Variants in RORA observed in about 807,000 individuals in gnomAD.
RORA encodes RAR related orphan receptor A, also known as nuclear receptor ROR-alpha.
Under a neutral mutation model 69.5 loss-of-function variants are expected in RORA, and 7 were observed. The observed-to-expected ratio is 0.10, with a 90% CI of 0.06 to 0.19. RORA has a LOEUF of 0.19. Among genes scored for constraint, RORA ranks in the 10% least tolerant of loss-of-function variants. The pLI is 1.00. For missense variants in RORA, 457 were observed against 663.0 expected (o/e 0.69, Z 3.41); for synonymous variants, 261 against 240.8 (o/e 1.08, Z -0.78).
intron 1 of RORA, chr15:60,765,626 A>C (rs1595697399): frequency 6.6e-6 from 1 of 151,892 alleles, no homozygotes; most frequent in Admixed American, 6.6e-5. Flanking sequence ...AGCTTTGAAA[A>C]CCTGAGTCAC....
Position 60,841,752 on chromosome 15 carries a change from G to T in RORA, c.167-163066C>A, listed in dbSNP as rs113952522. 9.9e-4 allele frequency among the ~76,000 whole-genome samples: 150 copies of T among 152,130 alleles called. 1 individual carries two copies. Among genetic ancestry groups the T allele is most frequent in the Non-Finnish European group, 1.7e-3 (115 of 68,022 alleles). On this transcript the variant is annotated intron_variant, in intron 1 of 10. Transcript: ENST00000335670. ...GTTCTCTCCTCCCCGTCATGATGTTGTGCTCCGCCCTTTATCTCCTTTTTT... is the reference window on the plus strand; with the variant it reads ...GTTCTCTCCTCCCCGTCATGATGTTTTGCTCCGCCCTTTATCTCCTTTTTT...
chr15:61,202,253 G>A (rs958725897), intron 1 of RORA, among the ~76,000 whole-genome samples: 2 of 151,906 alleles, frequency 1.3e-5, no homozygotes, highest in East Asian at 1.9e-4. Flanking sequence ...CTCGTGATCC[G>A]CCTGCCTCAG....
At chr15:60,832,289 GT>G (rs1170095866) in intron 1 of RORA, among the ~76,000 whole-genome samples, 1 of 152,106 alleles carries the variant, frequency 6.6e-6, no homozygotes. Flanking sequence ...CACCCCTCCA[GT>G]TTGCCAGGAA....
chr15:60,754,645 C>T (rs149309310), intron 1 of RORA, among the ~76,000 whole-genome samples: 1 of 152,294 alleles, frequency 6.6e-6, no homozygotes, highest in East Asian at 1.9e-4. Context: ...GTCCACAATA[C>T]CTCTGCCAAC....
rs1262688036 is a variant in RORA, at chr15:60,493,124, C to G, written c.*4331G>C. ...TACCCTTGTTTTTCACCAGTCAGCA[C>G]AAAGAACTGTCAGAAAATAACTTTT... On this transcript the variant is annotated 3_prime_UTR_variant, in exon 11 of 11. Transcript: ENST00000335670. The G allele has an allele frequency of 1.3e-5, 2 of 152,050 alleles. No individual in the cohort carries two copies. Among genetic ancestry groups the G allele is most frequent in the South Asian group, 2.1e-4 (1 of 4,808 alleles). 9.4% of individuals were successfully genotyped at this position (152,050 alleles called of 1,614,324 possible).
intron 1 of RORA, among the ~76,000 whole-genome samples, chr15:61,026,989 G>C (rs749791484): frequency 1.3e-5 from 2 of 149,410 alleles, no homozygotes; most frequent in Non-Finnish European, 3.0e-5. Context: ...AGTAAGCTTA[G>C]AAAGCCTCCT....
intron 1 of RORA, among the ~76,000 whole-genome samples, chr15:60,811,699 T>C (rs2072745383): frequency 6.6e-6 from 1 of 152,198 alleles, no homozygotes; most frequent in Non-Finnish European, 1.5e-5. Flanking sequence ...TTATGGCATT[T>C]ATTATTACCC....
chr15:61,006,406 G>A (rs1413765876), intron 1 of RORA, among the ~76,000 whole-genome samples: 1 of 151,980 alleles, frequency 6.6e-6, no homozygotes, highest in Non-Finnish European at 1.5e-5. Flanking sequence ...CTTCTGACTC[G>A]TTGGAACTCA....
chr15:61,169,386 G>A (rs1381323785), intron 1 of RORA, among the ~76,000 whole-genome samples: 2 of 151,904 alleles, frequency 1.3e-5, no homozygotes, highest in African/African-American at 2.4e-5. Flanking sequence ...CTCTCTGCCT[G>A]GTATCCTCTG....
At chr15:61,101,436 A>T (rs1264580077) in intron 1 of RORA, among the ~76,000 whole-genome samples, 1 of 152,104 alleles carries the variant, frequency 6.6e-6, no homozygotes, top group Non-Finnish European at 1.5e-5. Flanking sequence ...GGCACTGGGA[A>T]CAAGATGTGC....
chr15:61,006,117 C>T (rs1170246542), intron 1 of RORA, among the ~76,000 whole-genome samples: 5 of 151,872 alleles, frequency 3.3e-5, no homozygotes, highest in East Asian at 1.9e-4. Context: ...TACAGGCAGG[C>T]GCCACCATGC....
chr15:61,192,724 T>C (rs1024701838), intron 1 of RORA, among the ~76,000 whole-genome samples: 1 of 152,210 alleles, frequency 6.6e-6, no homozygotes, highest in Non-Finnish European at 1.5e-5. Context: ...CAACCTACCA[T>C]GCTCCTCACT....
rs553534682 is a variant in RORA at position 60,825,744 on chromosome 15, T to C, written c.167-147058A>G. Among the ~76,000 whole-genome samples the C allele has an allele frequency of 7.2e-5, 11 of 152,272 alleles. No individual in the cohort carries two copies. In the East Asian group the frequency reaches 2.1e-3, roughly 29 times the overall value. On this transcript the variant is annotated intron_variant, in intron 1 of 10. Coordinates refer to ENST00000335670, the MANE Select transcript of RORA (RefSeq NM_134261.3). ...TCTTCTGTGACATACAGGAATTGGG[T>C]TAGCTAATTTCTAACATCTTTCCAC...
chr15:60,841,148 G>A (rs1040121576), intron 1 of RORA: 16 of 891,592 alleles, frequency 1.8e-5, no homozygotes, highest in Non-Finnish European at 2.1e-5. Context: ...TTCTCTCCAC[G>A]CCATCCCACA....
intron 1 of RORA, among the ~76,000 whole-genome samples, chr15:61,137,415 C>T (rs1251913257): frequency 6.6e-6 from 1 of 152,220 alleles, no homozygotes. Context: ...TGAACATTAA[C>T]TTTCTTAAAG....
chr15:60,925,107 A>G (rs1161560769), intron 1 of RORA, among the ~76,000 whole-genome samples: 1 of 123,254 alleles, frequency 8.1e-6, no homozygotes, highest in Non-Finnish European at 1.6e-5. Flanking sequence ...AAAATAAAAT[A>G]AAATAAAATA....
chr15:61,205,448 A>C (rs748671751), intron 1 of RORA, among the ~76,000 whole-genome samples: 12 of 152,174 alleles, frequency 7.9e-5, no homozygotes, highest in Non-Finnish European at 1.6e-4. Context: ...CAATTGGTTA[A>C]AGTTACTTGT....
At chr15:60,957,891 C>T (rs1015331572) in intron 1 of RORA, among the ~76,000 whole-genome samples, 1 of 152,114 alleles carries the variant, frequency 6.6e-6, no homozygotes, top group Admixed American at 6.5e-5. Context: ...ATGATTTATC[C>T]TATAAGGAGC....
At chr15:61,134,393 G>A (rs1165257255) in intron 1 of RORA, among the ~76,000 whole-genome samples, 1 of 152,196 alleles carries the variant, frequency 6.6e-6, no homozygotes, top group African/African-American at 2.4e-5. Context: ...AGCTCCCTAT[G>A]TAAGGTTCTG....
Sources: allele counts gnomAD v4.1 joint callset (sites outside exome capture counted in the v4.1 genomes callset), GRCh38; gene constraint gnomAD v4.1.1; transcripts MANE v1.5; gene names NCBI Gene and HGNC (gene_info 2026-07-23, HGNC 2026-07-21).